Variants in ARHGAP12 observed in about 807,000 individuals in gnomAD.
The protein encoded by ARHGAP12 is Rho GTPase activating protein 12.
ARHGAP12 carries 64 observed loss-of-function variants against 108.6 expected under a neutral mutation model. The ratio of observed to expected loss-of-function variants is 0.59; its 90% confidence interval spans 0.48 to 0.73. ARHGAP12 has a LOEUF of 0.73. ARHGAP12 is among the 30% of genes least tolerant of loss of function. The pLI is 0.00. For synonymous variants in ARHGAP12, 312 were observed against 337.2 expected, an observed-to-expected ratio of 0.93 and a Z score of 0.82; for missense variants, 940 against 1,005.9, an observed-to-expected ratio of 0.93 and a Z score of 0.89.
intron 5 of ARHGAP12, among the ~76,000 whole-genome samples, chr10:31,852,855 T>C (rs565787500): frequency 2.0e-5 from 3 of 149,658 alleles, no homozygotes; most frequent in Non-Finnish European, 4.4e-5. Context: ...GCCTCCCGAG[T>C]AGCTGGGATT....
chr10:31,921,763 C>CAAAAAAAAAAAAAAAAAAA (rs57420280), intron 1 of ARHGAP12, among the ~76,000 whole-genome samples: 1 of 37,916 alleles, frequency 2.6e-5, no homozygotes, highest in Non-Finnish European at 4.8e-5. Context: ...GGCTCCATCT[C>CAAAAAAAAAAAAAAAAAAA]AAAAAAAAAA....
chr10:31,826,524 G>T, intron 10 of ARHGAP12, 139 bp from the exon 11 acceptor site: 3 of 630,232 alleles, frequency 4.8e-6, no homozygotes, highest in Non-Finnish European at 8.0e-6. Context: ...TTTTTATTGG[G>T]GATAGATACT....
intron 10 of ARHGAP12, among the ~76,000 whole-genome samples, chr10:31,828,311 CA>C (rs1456065154): frequency 6.6e-6 from 1 of 151,588 alleles, no homozygotes; most frequent in African/African-American, 2.4e-5. Flanking sequence ...TCAGTCTGAG[CA>C]CCTTTTTCTT....
At chr10:31,890,984 T>C (rs1838404002) in intron 3 of ARHGAP12, among the ~76,000 whole-genome samples, 1 of 152,180 alleles carries the variant, frequency 6.6e-6, no homozygotes, top group Non-Finnish European at 1.5e-5. Flanking sequence ...ACACTTGTAG[T>C]TTTTAAACAC....
chr10:31,808,220 A>T (rs199940814), intron 19 of ARHGAP12, among the ~76,000 whole-genome samples: 1,596 of 109,996 alleles, frequency 0.015, 13 homozygotes, highest in African/African-American at 0.064. Flanking sequence ...TAATTTCTTT[A>T]AAAAAAAAAA....
At chr10:31,902,860 T>C (rs1367655774) in intron 3 of ARHGAP12, among the ~76,000 whole-genome samples, 1 of 152,190 alleles carries the variant, frequency 6.6e-6, no homozygotes. Flanking sequence ...AGTGCTTTTT[T>C]TTGGATGAAA....
chr10:31,870,856 T>C (rs1401350827), intron 3 of ARHGAP12, among the ~76,000 whole-genome samples: 2 of 152,242 alleles, frequency 1.3e-5, no homozygotes, highest in African/African-American at 4.8e-5. Flanking sequence ...TGCATTGAGA[T>C]TTCAAGCTCT....
At chr10:31,865,691 T>C (rs1179983705) in intron 3 of ARHGAP12, among the ~76,000 whole-genome samples, 1 of 151,886 alleles carries the variant, frequency 6.6e-6, no homozygotes, top group Admixed American at 6.6e-5. Context: ...CTGGCTAACA[T>C]GCCGAAACCC....
At chr10:31,825,630 G>T (rs1835576221) in intron 11 of ARHGAP12, among the ~76,000 whole-genome samples, 1 of 152,026 alleles carries the variant, frequency 6.6e-6, no homozygotes, top group South Asian at 2.1e-4. Flanking sequence ...CAGAGCAATA[G>T]CTATCCCAGC....
chr10:31,863,397 C>T (rs1010370466), intron 3 of ARHGAP12, among the ~76,000 whole-genome samples: 2 of 152,118 alleles, frequency 1.3e-5, no homozygotes, highest in African/African-American at 4.8e-5. Flanking sequence ...TACTTTGCTC[C>T]TGATATTTGA....
At chr10:31,853,918 T>C (rs1034368205) in intron 5 of ARHGAP12, 148 bp downstream of exon 5, 8 of 842,832 alleles carry the variant, frequency 9.5e-6, no homozygotes, top group Non-Finnish European at 1.4e-5. Context: ...TACACTGAGT[T>C]TTCGTATTGT....
chr10:31,901,208 C>T (rs1449210094), intron 3 of ARHGAP12, among the ~76,000 whole-genome samples: 34 of 139,242 alleles, frequency 2.4e-4, no homozygotes, highest in Non-Finnish European at 4.6e-4. Context: ...AGCAAGAATC[C>T]GTCTCAAAAA....
intron 9 of ARHGAP12, among the ~76,000 whole-genome samples, chr10:31,835,928 TA>T (rs1564379592): frequency 6.6e-6 from 1 of 152,148 alleles, no homozygotes. Context: ...ACAGAGGTGA[TA>T]GCCACACACG....
chr10:31,864,960 GAAAT>G (rs1262021785), intron 3 of ARHGAP12, among the ~76,000 whole-genome samples: 7 of 152,132 alleles, frequency 4.6e-5, no homozygotes, highest in Non-Finnish European at 1.0e-4. Context: ...CTAAGCCTTA[GAAAT>G]AAATAAACAG....
chr10:31,837,944 A>G (rs982333150), intron 9 of ARHGAP12, among the ~76,000 whole-genome samples: 4 of 152,166 alleles, frequency 2.6e-5, no homozygotes, highest in African/African-American at 7.2e-5. Context: ...TGCTCTAATG[A>G]AGCTTTACTC....
intron 4 of ARHGAP12, among the ~76,000 whole-genome samples, chr10:31,860,798 C>G (rs1266224873): frequency 6.6e-6 from 1 of 152,118 alleles, no homozygotes; most frequent in Non-Finnish European, 1.5e-5. Flanking sequence ...TGTCACTGGA[C>G]AGCCAGGTGC....
At chr10:31,899,373 A>T (rs1838832970) in intron 3 of ARHGAP12, among the ~76,000 whole-genome samples, 1 of 152,238 alleles carries the variant, frequency 6.6e-6, no homozygotes, top group Non-Finnish European at 1.5e-5. Context: ...TTTTGTAGAT[A>T]TGGACAAAGT....
intron 3 of ARHGAP12, among the ~76,000 whole-genome samples, chr10:31,892,534 A>T (rs569345022): frequency 6.6e-6 from 1 of 152,260 alleles, no homozygotes; most frequent in Non-Finnish European, 1.5e-5. Flanking sequence ...AAAGGGATCA[A>T]TTCAACAAGA....
intron 11 of ARHGAP12, among the ~76,000 whole-genome samples, chr10:31,823,812 A>G (rs1250385858): frequency 6.6e-6 from 1 of 152,176 alleles, no homozygotes; most frequent in Non-Finnish European, 1.5e-5. Context: ...AATATTCAAG[A>G]GCAGTTTTCA....
Sources: gnomAD v4.1 joint callset for allele counts (sites outside exome capture counted in the v4.1 genomes callset) on GRCh38, gnomAD v4.1.1 for gene constraint, MANE v1.5 for transcripts, NCBI Gene and HGNC (gene_info 2026-07-23, HGNC 2026-07-21) for gene names.